The following ZNF322 variants were observed in gnomAD, a reference collection of about 807,000 sequenced individuals.
ZNF322 encodes zinc finger protein 322, also known as HLA complex group 12.
In ZNF322, 1 loss-of-function variant was observed where a neutral mutation model predicts 18.3. That is an observed-to-expected ratio of 0.05 (90% CI 0.02 to 0.26). The LOEUF is 0.26. ZNF322 is among the 10% of genes least tolerant of loss of function. The pLI is 1.00. For synonymous variants in ZNF322, 17 were observed against 130.7 expected, an observed-to-expected ratio of 0.13 and a Z score of 5.93; for missense variants, 36 against 403.6, an observed-to-expected ratio of 0.09 and a Z score of 7.80.
intron 3 of ZNF322, among the ~76,000 whole-genome samples, chr6:26,640,205 T>C (rs1268980699): frequency 1.3e-5 from 2 of 152,186 alleles, no homozygotes; most frequent in Non-Finnish European, 2.9e-5. Context: ...ACCTGCTCAT[T>C]GTCTCCAATT....
intron 3 of ZNF322, among the ~76,000 whole-genome samples, chr6:26,643,023 T>C (rs782250429): frequency 3.3e-5 from 5 of 152,216 alleles, no homozygotes; most frequent in South Asian, 4.1e-4. Context: ...ACTTTCACAA[T>C]AGCCCAAGAG....
intron 2 of ZNF322, among the ~76,000 whole-genome samples, chr6:26,649,680 TATATATA>T (rs1765626603): frequency 8.6e-5 from 2 of 23,166 alleles, no homozygotes; most frequent in African/African-American, 4.3e-4. Context: ...TGTGTGTATA[TATATATA>T]TATATATATA....
In ZNF322 at chr6:26,638,161, A is replaced by G. The variant is rs1765396513; in HGVS notation, c.393T>C (p.Ile131=). Residue 131 remains isoleucine (I), a synonymous_variant, in exon 4 of 4, where the codon ATT becomes ATC. Transcript: ENST00000415922. ...HAGKKFYTCD[I]CGKNFGQSSD... is the part of the protein sequence containing the mutation. The stretch of plus-strand genomic sequence containing the variant: ...AACTCTGACCAAAATTCTTGCCACA[A>G]ATGTCACATGTATAGAATTTTTTAC... The G allele has an allele frequency of 1.9e-6, 3 of 1,613,166 alleles. No homozygotes were observed. The highest frequency in any genetic ancestry group is 1.1e-5 in the South Asian group (1 of 91,036).
intron 3 of ZNF322, among the ~76,000 whole-genome samples, chr6:26,642,338 G>A (rs1364008895): frequency 6.6e-6 from 1 of 152,110 alleles, no homozygotes; most frequent in Non-Finnish European, 1.5e-5. Flanking sequence ...GCTGGTGCAG[G>A]TCCTCACTTG....
At chr6:26,649,667 G>C (rs1262294347) in intron 2 of ZNF322, among the ~76,000 whole-genome samples, 1 of 44,196 alleles carries the variant, frequency 2.3e-5, no homozygotes, top group Non-Finnish European at 4.6e-5. Context: ...GTGTGTGTGT[G>C]TGTGTGTGTA....
At chr6:26,648,373 A>AT (rs1482341760) in intron 2 of ZNF322, among the ~76,000 whole-genome samples, 4 of 152,224 alleles carry the variant, frequency 2.6e-5, no homozygotes, top group Non-Finnish European at 5.9e-5. Flanking sequence ...AAAAACTACA[A>AT]TAATTTTTAC....
chr6:26,651,745 A>T (rs140018440), intron 2 of ZNF322, among the ~76,000 whole-genome samples: 26 of 152,318 alleles, frequency 1.7e-4, no homozygotes, highest in African/African-American at 5.3e-4. Flanking sequence ...ACAAACCCCA[A>T]ATGAATCAGA....
intron 3 of ZNF322, 21 bp from the exon 4 acceptor site, chr6:26,638,749 A>G (rs1765412618): frequency 2.3e-6 from 2 of 874,516 alleles, no homozygotes; most frequent in Non-Finnish European, 3.4e-6. Context: ...AAGTAGAAAT[A>G]TTATTTATAT....
At chr6:26,646,937 T>C (rs1388228836) in intron 2 of ZNF322, among the ~76,000 whole-genome samples, 1 of 152,172 alleles carries the variant, frequency 6.6e-6, no homozygotes, top group Non-Finnish European at 1.5e-5. Flanking sequence ...AATTTTTAAG[T>C]ATTCATAATT....
intron 2 of ZNF322, among the ~76,000 whole-genome samples, chr6:26,646,500 T>G (rs782772859): frequency 7.2e-5 from 11 of 152,076 alleles, no homozygotes; most frequent in Non-Finnish European, 1.2e-4. Context: ...TATCTATGTA[T>G]CACATTACAC....
At chr6:26,650,128 T>C (rs1765642352) in intron 2 of ZNF322, among the ~76,000 whole-genome samples, 1 of 152,050 alleles carries the variant, frequency 6.6e-6, no homozygotes, top group Non-Finnish European at 1.5e-5. Flanking sequence ...CTCTTAAAAA[T>C]TGAGGGAAAA....
chr6:26,657,122 C>T (rs975514191), intron 2 of ZNF322, among the ~76,000 whole-genome samples: 6 of 151,956 alleles, frequency 3.9e-5, no homozygotes, highest in African/African-American at 9.7e-5. Flanking sequence ...TGGTGGCGGG[C>T]GCCTGTAGTC....
chr6:26,658,144 G>A (rs1369928885), intron 2 of ZNF322, among the ~76,000 whole-genome samples: 3 of 152,004 alleles, frequency 2.0e-5, no homozygotes, highest in Non-Finnish European at 4.4e-5. Flanking sequence ...CTATGAAATA[G>A]GTATTAATAC....
chr6:26,652,671 C>T (rs1765692574), intron 2 of ZNF322, among the ~76,000 whole-genome samples: 1 of 149,440 alleles, frequency 6.7e-6, no homozygotes. Flanking sequence ...GCCTGGGCAA[C>T]AAGAGTGAAA....
intron 1 of ZNF322, 88 bp from the exon 2 acceptor site, chr6:26,658,734 A>C (rs1202462304): frequency 1.3e-5 from 2 of 155,862 alleles, no homozygotes; most frequent in Non-Finnish European, 2.9e-5. Flanking sequence ...AACTGGTCCC[A>C]TTTCCTCTCC....
At chr6:26,651,329 GACAGAC>G (rs1324105663) in intron 2 of ZNF322, 1 of 150,180 alleles carries the variant, frequency 6.7e-6, no homozygotes, top group Non-Finnish European at 1.5e-5. Flanking sequence ...AGTGAAATAA[GACAGAC>G]ACAGAATGAT....
intron 2 of ZNF322, among the ~76,000 whole-genome samples, chr6:26,645,006 T>A (rs182863274): frequency 6.6e-6 from 1 of 152,206 alleles, no homozygotes; most frequent in East Asian, 1.9e-4. Flanking sequence ...GTTGTTCCCC[T>A]CCCTGTGTCT....
At chr6:26,654,116 A>T (rs1162668375) in intron 2 of ZNF322, among the ~76,000 whole-genome samples, 2 of 152,168 alleles carry the variant, frequency 1.3e-5, no homozygotes, top group African/African-American at 4.8e-5. Flanking sequence ...TATACTATGG[A>T]TAATGTCACC....
rs1460952214 is a variant in ZNF322 at position 26,642,380 on chromosome 6, TC to T, written c.-176+1278del. Among the ~76,000 whole-genome samples, 4 of 152,088 alleles carry T rather than the reference TC, an allele frequency of 2.6e-5. No individual in the cohort carries two copies. In the East Asian group the frequency reaches 7.7e-4, roughly 29 times the overall value. On this transcript the variant is annotated intron_variant, in intron 3 of 3. Coordinates refer to ENST00000415922, the MANE Select transcript of ZNF322 (RefSeq NM_024639.5). Reference sequence around the variant, plus strand: ...GCCGGTCCCCTGGGCCCACTTTTCTTCCTCTATATTTTGTCTCTGTCTTTGT... The same window carrying T: ...GCCGGTCCCCTGGGCCCACTTTTCTTCTCTATATTTTGTCTCTGTCTTTGT...
Sources: gnomAD v4.1 joint callset for allele counts (sites outside exome capture counted in the v4.1 genomes callset) on GRCh38, gnomAD v4.1.1 for gene constraint, MANE v1.5 for transcripts, NCBI Gene and HGNC (gene_info 2026-07-23, HGNC 2026-07-21) for gene names.